DLG2: variants seen among roughly 807,000 people sequenced by gnomAD.
DLG2 encodes discs large MAGUK scaffold protein 2, also known as disks large homolog 2.
Under a neutral mutation model 132.5 loss-of-function variants are expected in DLG2, and 45 were observed. The observed-to-expected ratio is 0.34, with a 90% CI of 0.27 to 0.44. The LOEUF is 0.44. DLG2 is among the 20% of genes least tolerant of loss of function. The pLI is 1.00. For missense variants in DLG2, 1,045 were observed against 1,196.9 expected (o/e 0.87, Z 1.87); for synonymous variants, 424 against 419.6 (o/e 1.01, Z -0.13).
At chr11:83,996,630 T>G (rs1303159347) in intron 11 of DLG2, among the ~76,000 whole-genome samples, 1 of 152,196 alleles carries the variant, frequency 6.6e-6, no homozygotes, top group Non-Finnish European at 1.5e-5. Flanking sequence ...GGAGAACTAT[T>G]CAGCCACAAA....
At chr11:84,187,466 G>C (rs1389341648) in intron 8 of DLG2, among the ~76,000 whole-genome samples, 1 of 151,952 alleles carries the variant, frequency 6.6e-6, no homozygotes, top group Non-Finnish European at 1.5e-5. Flanking sequence ...AAGAATAAAA[G>C]AAGCATCCCC....
intron 4 of DLG2, among the ~76,000 whole-genome samples, chr11:85,185,553 T>G (rs960893168): frequency 8.6e-5 from 13 of 151,906 alleles, no homozygotes; most frequent in African/African-American, 3.1e-4. Context: ...AAGGTGAGAT[T>G]CTCTCATGAC....
At chr11:85,454,724 G>T (rs1597461161) in intron 3 of DLG2, among the ~76,000 whole-genome samples, 1 of 152,024 alleles carries the variant, frequency 6.6e-6, no homozygotes, top group African/African-American at 2.4e-5. Flanking sequence ...GTAAGAAAGG[G>T]GTCCAGTTTC....
intron 7 of DLG2, among the ~76,000 whole-genome samples, chr11:84,446,137 T>A (rs931921676): frequency 7.2e-5 from 11 of 152,024 alleles, no homozygotes; most frequent in Non-Finnish European, 1.5e-5. Flanking sequence ...TAATTTCTAT[T>A]TTTACCTTAA....
rs2099578075 is a variant in DLG2, at chr11:84,602,333, A to C, written c.358-67602T>G. ...ATTTCTCCATTCTACTGGTGAAAAAAAAAATAGGGAATTTAACTGACTTGC... is the reference window on the plus strand; with the variant it reads ...ATTTCTCCATTCTACTGGTGAAAAACAAAATAGGGAATTTAACTGACTTGC... On this transcript the variant is annotated intron_variant, in intron 6 of 27. Coordinates refer to ENST00000376104, the MANE Select transcript of DLG2 (RefSeq NM_001142699.3). 2.0e-5 allele frequency among the ~76,000 whole-genome samples: 3 copies of C among 151,952 alleles called. No individual in the cohort carries two copies. The South Asian group carries it at 6.2e-4, about 32-fold the overall frequency.
intron 6 of DLG2, among the ~76,000 whole-genome samples, chr11:84,838,618 CA>C (rs1421213540): frequency 4.6e-5 from 7 of 151,778 alleles, no homozygotes; most frequent in African/African-American, 1.7e-4. Context: ...CACAACTGCA[CA>C]AGGAAATGTA....
At chr11:83,950,544 G>A (rs2085158109) in intron 14 of DLG2, among the ~76,000 whole-genome samples, 2 of 152,202 alleles carry the variant, frequency 1.3e-5, no homozygotes, top group African/African-American at 2.4e-5. Context: ...AGTGAGCTGA[G>A]ATCGTGCCAT....
chr11:85,459,827 T>A (rs78520077), intron 3 of DLG2, among the ~76,000 whole-genome samples: 5,404 of 152,244 alleles, frequency 0.035, 143 homozygotes, highest in Admixed American at 0.053. Context: ...TTGAAGCAAG[T>A]TAGCTGTGCT....
intron 3 of DLG2, among the ~76,000 whole-genome samples, chr11:85,446,910 T>C (rs945732117): frequency 1.4e-4 from 22 of 152,122 alleles, no homozygotes; most frequent in African/African-American, 4.1e-4. Flanking sequence ...GCTTTGTATA[T>C]CAAAGACAAT....
chr11:84,336,352 A>G (rs1244425869), intron 7 of DLG2, among the ~76,000 whole-genome samples: 2 of 152,178 alleles, frequency 1.3e-5, no homozygotes, highest in Non-Finnish European at 2.9e-5. Flanking sequence ...CTGCAAGCCC[A>G]GTGTCTTTTG....
intron 6 of DLG2, among the ~76,000 whole-genome samples, chr11:84,699,056 T>C (rs1467049701): frequency 6.6e-6 from 1 of 151,524 alleles, no homozygotes; most frequent in African/African-American, 2.4e-5. Flanking sequence ...TGCCCCACTC[T>C]CGAGCTCCAT....
At chr11:84,303,969 C>T (rs925923144) in intron 7 of DLG2, among the ~76,000 whole-genome samples, 9 of 152,224 alleles carry the variant, frequency 5.9e-5, no homozygotes, top group Non-Finnish European at 1.0e-4. Context: ...CTTACTGTTA[C>T]GTGCTAAGCA....
At chr11:84,242,505 A>C (rs1598229476) in intron 8 of DLG2, among the ~76,000 whole-genome samples, 1 of 151,738 alleles carries the variant, frequency 6.6e-6, no homozygotes, top group Non-Finnish European at 1.5e-5. Context: ...TCCCAGGTTC[A>C]ACTGATTCTC....
intron 18 of DLG2, among the ~76,000 whole-genome samples, chr11:83,737,815 T>C (rs908699432): frequency 2.0e-5 from 3 of 152,162 alleles, no homozygotes; most frequent in Admixed American, 1.3e-4. Context: ...TAGCTGAGTG[T>C]GGTGGTGGGT....
chr11:84,224,184 T>C (rs762637373), intron 8 of DLG2, among the ~76,000 whole-genome samples: 1 of 152,204 alleles, frequency 6.6e-6, no homozygotes, highest in Non-Finnish European at 1.5e-5. Context: ...TTCTGACCTA[T>C]GCTAGAAGAA....
Position 83,944,892 on chromosome 11 carries a change from T to C in DLG2, c.1341-14409A>G, listed in dbSNP as rs542806404. On this transcript the variant is annotated intron_variant, in intron 14 of 27. Transcript: ENST00000376104. ...AGAATTTGGAGCAAAGTCACCCCAT[T>C]ATCTTCCCTTTTGTCTCCTTAAGAA... 5.9e-5 allele frequency among the ~76,000 whole-genome samples: 9 copies of C among 152,342 alleles called. No homozygotes were observed. The East Asian group carries it at 1.7e-3, about 29-fold the overall frequency.
At chr11:83,657,636 T>C (rs2072989525) in intron 18 of DLG2, among the ~76,000 whole-genome samples, 1 of 147,342 alleles carries the variant, frequency 6.8e-6, no homozygotes, top group Non-Finnish European at 1.5e-5. Context: ...CCTCCCGGGT[T>C]CACGCCATTC....
chr11:85,303,946 T>A (rs1490855032), intron 3 of DLG2, among the ~76,000 whole-genome samples: 1 of 152,196 alleles, frequency 6.6e-6, no homozygotes, highest in Non-Finnish European at 1.5e-5. Context: ...TGTGTACTGG[T>A]CAATTTCCAG....
chr11:84,619,984 A>G (rs1209836902), intron 6 of DLG2, among the ~76,000 whole-genome samples: 1 of 151,766 alleles, frequency 6.6e-6, no homozygotes, highest in East Asian at 1.9e-4. Flanking sequence ...TAAAACCTAA[A>G]CAAAGACACA....
Sources: allele counts gnomAD v4.1 joint callset (sites outside exome capture counted in the v4.1 genomes callset), GRCh38; gene constraint gnomAD v4.1.1; transcripts MANE v1.5; gene names NCBI Gene and HGNC (gene_info 2026-07-23, HGNC 2026-07-21).